The following SYT1 variants were observed in gnomAD, a reference collection of about 807,000 sequenced individuals.
The protein encoded by SYT1 is synaptotagmin-1.
Under a neutral mutation model 44.8 loss-of-function variants are expected in SYT1, and 8 were observed. The observed-to-expected ratio is 0.18, with a 90% CI of 0.10 to 0.32. SYT1 has a LOEUF of 0.32. Among genes scored for constraint, SYT1 ranks in the 10% least tolerant of loss-of-function variants. The probability of loss-of-function intolerance (pLI) is 1.00; values close to 1 mark genes in which losing one functional copy is unlikely to be tolerated. For synonymous variants in SYT1, 154 were observed against 188.8 expected (o/e 0.82, Z 1.51); for missense variants, 286 against 509.3 (o/e 0.56, Z 4.22).
rs185059074 is a variant in SYT1 at position 79,121,920 on chromosome 12, C to T, written c.-18+74558C>T. On this transcript the variant is annotated intron_variant, in intron 3 of 10. Coordinates refer to ENST00000261205, the MANE Select transcript of SYT1 (RefSeq NM_005639.3). ...TATTAAGTTCCTAATACAAGATAGC[C>T]TGATATATACAAAAAAGTGAAAAGC... 1.5e-4 allele frequency among the ~76,000 whole-genome samples: 23 copies of T among 152,150 alleles called. No individual in the cohort carries two copies. The East Asian group carries it at 4.2e-3, about 28-fold the overall frequency.
intron 9 of SYT1, among the ~76,000 whole-genome samples, chr12:79,380,818 A>G (rs996165360): frequency 2.0e-5 from 3 of 152,106 alleles, no homozygotes; most frequent in African/African-American, 7.2e-5. Context: ...AGAAACACCT[A>G]TTCATGCCTT....
intron 4 of SYT1, 21 bp downstream of exon 4, chr12:79,217,706 C>A: frequency 1.3e-6 from 2 of 1,580,406 alleles, no homozygotes; most frequent in Non-Finnish European, 1.7e-6. Context: ...TATATTAGTA[C>A]TTGAGTAAAA....
chr12:79,117,684 T>A (rs1413186628), intron 3 of SYT1, among the ~76,000 whole-genome samples: 2 of 74,814 alleles, frequency 2.7e-5, no homozygotes, highest in Non-Finnish European at 2.8e-5. Context: ...TATATATATA[T>A]ATATATATAT....
intron 3 of SYT1, among the ~76,000 whole-genome samples, chr12:79,095,189 A>G (rs140435959): frequency 1.2e-3 from 186 of 152,076 alleles, no homozygotes; most frequent in Middle Eastern, 3.4e-3. Flanking sequence ...CAAGAGTTAT[A>G]CAAATTCAAA....
intron 3 of SYT1, among the ~76,000 whole-genome samples, chr12:79,130,855 A>G (rs905130450): frequency 2.4e-4 from 36 of 152,214 alleles, no homozygotes; most frequent in Non-Finnish European, 5.9e-5. Context: ...CAAGTAGGTC[A>G]GAACCTCAGT....
chr12:79,085,422 C>G (rs1877316349), intron 3 of SYT1, among the ~76,000 whole-genome samples: 1 of 152,084 alleles, frequency 6.6e-6, no homozygotes, highest in African/African-American at 2.4e-5. Flanking sequence ...TAGTCCGTCT[C>G]TTCTGGTTTT....
At chr12:79,265,160 C>A (rs1479060495) in intron 4 of SYT1, among the ~76,000 whole-genome samples, 2 of 152,094 alleles carry the variant, frequency 1.3e-5, no homozygotes, top group Admixed American at 1.3e-4. Flanking sequence ...GTATCCACTA[C>A]ACTAAGTACT....
intron 1 of SYT1, among the ~76,000 whole-genome samples, chr12:78,867,115 C>T (rs1252069101): frequency 6.6e-6 from 1 of 151,178 alleles, no homozygotes; most frequent in African/African-American, 2.4e-5. Context: ...TTAGAGGTGC[C>T]ACCTTTTGGT....
chr12:78,893,110 A>T (rs1044103743), intron 1 of SYT1, among the ~76,000 whole-genome samples: 1 of 151,802 alleles, frequency 6.6e-6, no homozygotes, highest in Non-Finnish European at 1.5e-5. Context: ...GTATGCATGT[A>T]CTTACTGAGG....
chr12:79,312,688 T>C (rs1259592943), intron 8 of SYT1, among the ~76,000 whole-genome samples: 3 of 152,140 alleles, frequency 2.0e-5, no homozygotes, highest in African/African-American at 4.8e-5. Flanking sequence ...TTTTAAGTTA[T>C]ATTTTTTCCT....
intron 9 of SYT1, chr12:79,419,394 T>C (rs1429791523): frequency 4.6e-6 from 2 of 431,774 alleles, no homozygotes; most frequent in African/African-American, 4.1e-5. Flanking sequence ...TCAGTCATAG[T>C]GGTAAGCTCA....
intron 2 of SYT1, among the ~76,000 whole-genome samples, chr12:79,018,681 T>C (rs1168624105): frequency 6.6e-6 from 1 of 151,990 alleles, no homozygotes; most frequent in Non-Finnish European, 1.5e-5. Context: ...CTTTCTAGAG[T>C]TGGGCAGCAA....
At chr12:79,442,609 T>A (rs1016157499) in intron 9 of SYT1, among the ~76,000 whole-genome samples, 2 of 152,166 alleles carry the variant, frequency 1.3e-5, no homozygotes, top group African/African-American at 4.8e-5. Flanking sequence ...TAAGTTCCAC[T>A]TATTCAACAA....
intron 9 of SYT1, among the ~76,000 whole-genome samples, chr12:79,372,539 A>G (rs1463252961): frequency 6.6e-6 from 1 of 152,198 alleles, no homozygotes; most frequent in Admixed American, 6.5e-5. Flanking sequence ...TATTACAGCT[A>G]GTTCTTTAAG....
chr12:79,262,718 A>G (rs1275465510), intron 4 of SYT1, among the ~76,000 whole-genome samples: 1 of 152,202 alleles, frequency 6.6e-6, no homozygotes, highest in African/African-American at 2.4e-5. Flanking sequence ...TCTCCAGGAA[A>G]TGTACTGCAA....
chr12:79,396,494 T>C (rs1398242732), intron 9 of SYT1, among the ~76,000 whole-genome samples: 1 of 152,124 alleles, frequency 6.6e-6, no homozygotes. Context: ...TCATAGGAAA[T>C]AATTATTTTT....
intron 2 of SYT1, among the ~76,000 whole-genome samples, chr12:79,036,324 G>GTATTTCACAT (rs1873131672): frequency 6.6e-6 from 1 of 151,814 alleles, no homozygotes; most frequent in Non-Finnish European, 1.5e-5. Flanking sequence ...TGTTGGTATG[G>GTATTTCACAT]AAAGCTTCAT....
intron 9 of SYT1, among the ~76,000 whole-genome samples, chr12:79,388,641 G>T (rs1246190663): frequency 6.6e-6 from 1 of 152,156 alleles, no homozygotes; most frequent in East Asian, 1.9e-4. Flanking sequence ...AGCCAGGGAT[G>T]TGGCGGTTGC....
intron 2 of SYT1, among the ~76,000 whole-genome samples, chr12:79,037,244 A>T (rs185344174): frequency 2.6e-5 from 4 of 151,194 alleles, no homozygotes; most frequent in Non-Finnish European, 4.4e-5. Flanking sequence ...CTCAGTCCCA[A>T]TTAACTTCCC....
Sources: gnomAD v4.1 joint callset for allele counts (sites outside exome capture counted in the v4.1 genomes callset) on GRCh38, gnomAD v4.1.1 for gene constraint, MANE v1.5 for transcripts, NCBI Gene and HGNC (gene_info 2026-07-23, HGNC 2026-07-21) for gene names.